The following RBFOX1 variants were observed in gnomAD, a reference collection of about 807,000 sequenced individuals.
RBFOX1 encodes RNA binding fox-1 homolog 1, also known as RNA binding protein fox-1 homolog 1.
A neutral mutation model predicts 57.7 loss-of-function variants in RBFOX1; 8 were observed. The ratio of observed to expected loss-of-function variants is 0.14; its 90% CI spans 0.08 to 0.25. The LOEUF is 0.25. Among genes scored for constraint, RBFOX1 ranks in the 10% least tolerant of loss-of-function variants. The probability of loss-of-function intolerance (pLI) is 1.00; values close to 1 mark genes in which losing one functional copy is unlikely to be tolerated. For missense variants in RBFOX1, 611 were observed against 548.5 expected, an observed-to-expected ratio of 1.11 and a Z score of -1.14; for synonymous variants, 326 against 222.4, an observed-to-expected ratio of 1.47 and a Z score of -4.15.
chr16:5,567,751 C>T (rs2046124893), intron 2 of RBFOX1, among the ~76,000 whole-genome samples: 1 of 151,178 alleles, frequency 6.6e-6, no homozygotes, highest in Admixed American at 6.6e-5. Context: ...TTGTCATTAC[C>T]ATCATCATTG....
chr16:6,891,672 G>C (rs1193426415), intron 3 of RBFOX1, among the ~76,000 whole-genome samples: 2 of 152,136 alleles, frequency 1.3e-5, no homozygotes, highest in Non-Finnish European at 2.9e-5. Flanking sequence ...AATTGTTAAT[G>C]TAATGTTTTC....
At chr16:6,906,246 C>G (rs892865085) in intron 3 of RBFOX1, among the ~76,000 whole-genome samples, 5 of 151,988 alleles carry the variant, frequency 3.3e-5, no homozygotes, top group African/African-American at 1.2e-4. Flanking sequence ...ATTACCCCCC[C>G]CCAAAATATA....
intron 4 of RBFOX1, among the ~76,000 whole-genome samples, chr16:7,296,901 G>C (rs1432735468): frequency 2.0e-5 from 3 of 152,154 alleles, no homozygotes; most frequent in African/African-American, 7.2e-5. Context: ...CCTGAGTCCT[G>C]TGTTTCTGTT....
At chr16:6,881,437 C>G (rs1026355212) in intron 3 of RBFOX1, among the ~76,000 whole-genome samples, 2 of 152,110 alleles carry the variant, frequency 1.3e-5, no homozygotes, top group African/African-American at 4.8e-5. Context: ...CTTCTGAGGG[C>G]TGTGAGCAAA....
At chr16:5,267,329 G>C (rs376571619) in intron 1 of RBFOX1, among the ~76,000 whole-genome samples, 6 of 141,966 alleles carry the variant, frequency 4.2e-5, no homozygotes, top group African/African-American at 1.6e-4. Flanking sequence ...AGACAGTCTT[G>C]CTTTATTGCC....
At chr16:5,494,079 G>T (rs1035912400) in intron 2 of RBFOX1, among the ~76,000 whole-genome samples, 1 of 152,160 alleles carries the variant, frequency 6.6e-6, no homozygotes, top group Non-Finnish European at 1.5e-5. Context: ...CAATGACGGG[G>T]TGTTCCTTTC....
chr16:5,942,038 C>A (rs1424251451), intron 4 of RBFOX1, among the ~76,000 whole-genome samples: 7 of 152,052 alleles, frequency 4.6e-5, no homozygotes, highest in Non-Finnish European at 8.8e-5. Context: ...AAGGCTTCCT[C>A]CCCATGTCCG....
intron 3 of RBFOX1, among the ~76,000 whole-genome samples, chr16:6,988,886 C>G (rs981720873): frequency 1.3e-4 from 20 of 152,150 alleles, no homozygotes; most frequent in African/African-American, 4.6e-4. Context: ...TTCTCCCTGC[C>G]TTAGCCTCCT....
At chr16:7,288,475 T>C (rs528032658) in intron 4 of RBFOX1, among the ~76,000 whole-genome samples, 1 of 152,144 alleles carries the variant, frequency 6.6e-6, no homozygotes, top group Non-Finnish European at 1.5e-5. Context: ...TCTGGGAAGA[T>C]GAAATAAGAT....
intron 3 of RBFOX1, among the ~76,000 whole-genome samples, chr16:5,673,133 C>G (rs911258600): frequency 2.6e-5 from 4 of 152,064 alleles, no homozygotes; most frequent in African/African-American, 9.7e-5. Flanking sequence ...TTCCTGCTGA[C>G]ACACACAAGC....
In RBFOX1 at chr16:6,819,520, A is replaced by G. The variant is rs368298717; in HGVS notation, c.-16+164870A>G. On this transcript the variant is annotated intron_variant, in intron 3 of 15. Coordinates refer to ENST00000550418, the MANE Select transcript of RBFOX1 (RefSeq NM_018723.4). ...GGAGTTTGAGACCAGCCTGACCAGCATGGAGAAAACCCATCTCTACTAAAA... is the reference window on the plus strand; with the variant it reads ...GGAGTTTGAGACCAGCCTGACCAGCGTGGAGAAAACCCATCTCTACTAAAA... Among the ~76,000 whole-genome samples, 3 of 152,092 alleles carry G rather than the reference A, an allele frequency of 2.0e-5. No individual in the cohort carries two copies. In the East Asian group the frequency reaches 5.8e-4, roughly 30 times the overall value.
intron 12 of RBFOX1, among the ~76,000 whole-genome samples, chr16:7,659,930 C>G (rs557071116): frequency 1.1e-4 from 17 of 152,238 alleles, no homozygotes; most frequent in Non-Finnish European, 2.2e-4. Flanking sequence ...ACAGCACACA[C>G]ACACACCCAA....
At chr16:6,786,944 A>G (rs1001212762) in intron 3 of RBFOX1, among the ~76,000 whole-genome samples, 1 of 151,946 alleles carries the variant, frequency 6.6e-6, no homozygotes, top group Non-Finnish European at 1.5e-5. Flanking sequence ...TAGGGACCTT[A>G]TCTGAAAGTG....
intron 1 of RBFOX1, among the ~76,000 whole-genome samples, chr16:6,030,574 A>G (rs2095273656): frequency 6.6e-6 from 1 of 152,214 alleles, no homozygotes; most frequent in Non-Finnish European, 1.5e-5. Context: ...AACATATTCA[A>G]ATATTGAATA....
chr16:5,462,467 C>T (rs371074055), intron 1 of RBFOX1, among the ~76,000 whole-genome samples: 20 of 152,194 alleles, frequency 1.3e-4, no homozygotes, highest in Admixed American at 3.9e-4. Flanking sequence ...CGCGCCCGGC[C>T]GAAACCCAGT....
chr16:7,221,278 G>T (rs533273297), intron 4 of RBFOX1, among the ~76,000 whole-genome samples: 11 of 152,194 alleles, frequency 7.2e-5, no homozygotes, highest in African/African-American at 2.2e-4. Flanking sequence ...GTCTCAGAAG[G>T]TGATTTGGCT....
At chr16:6,573,399 T>TG (rs2097372932) in intron 2 of RBFOX1, among the ~76,000 whole-genome samples, 1 of 152,168 alleles carries the variant, frequency 6.6e-6, no homozygotes, top group Non-Finnish European at 1.5e-5. Flanking sequence ...TGTTACTTTA[T>TG]CCTGGCCTGT....
intron 3 of RBFOX1, among the ~76,000 whole-genome samples, chr16:6,825,068 C>G (rs1175883858): frequency 3.1e-5 from 4 of 128,688 alleles, no homozygotes; most frequent in South Asian, 5.6e-4. Context: ...ATGATCTTTG[C>G]TCACTGCAAC....
At chr16:5,580,066 C>T (rs954530188) in intron 2 of RBFOX1, among the ~76,000 whole-genome samples, 1 of 152,184 alleles carries the variant, frequency 6.6e-6, no homozygotes, top group Admixed American at 6.5e-5. Flanking sequence ...CCACTGCGCC[C>T]AGCTGGCAGT....
Sources: gnomAD v4.1 joint callset for allele counts (sites outside exome capture counted in the v4.1 genomes callset) on GRCh38, gnomAD v4.1.1 for gene constraint, MANE v1.5 for transcripts, NCBI Gene and HGNC (gene_info 2026-07-23, HGNC 2026-07-21) for gene names.